Variants in ANK2 observed in about 807,000 individuals in gnomAD.
The protein encoded by ANK2 is ankyrin 2, also known as ankyrin-2.
In ANK2, 83 loss-of-function variants were observed where a neutral mutation model predicts 360.5. The observed-to-expected ratio is 0.23, with a 90% confidence interval of 0.19 to 0.28. The LOEUF (loss-of-function observed/expected upper bound fraction) is 0.28. Among genes scored for constraint, ANK2 ranks in the 10% least tolerant of loss-of-function variants. ANK2 has a pLI of 1.00. For missense variants in ANK2, 4,201 were observed against 4,795.7 expected (o/e 0.88, Z 3.66); for synonymous variants, 1,740 against 1,759.5 (o/e 0.99, Z 0.28).
intron 5 of ANK2, among the ~76,000 whole-genome samples, chr4:113,233,019 C>A (rs956435756): frequency 2.1e-5 from 3 of 145,422 alleles, no homozygotes; most frequent in Non-Finnish European, 3.0e-5. Flanking sequence ...TGGGAGTGGG[C>A]GACATGGAAG....
chr4:113,122,658 A>G (rs1339893021), intron 1 of ANK2, among the ~76,000 whole-genome samples: 2 of 152,070 alleles, frequency 1.3e-5, no homozygotes, highest in East Asian at 3.9e-4. Flanking sequence ...TGAAAATTCA[A>G]AAGTTTTATT....
chr4:112,734,179 T>G, the ANK2 span, among the ~76,000 whole-genome samples: 1 of 152,172 alleles, frequency 6.6e-6, no homozygotes, highest in Non-Finnish European at 1.5e-5. Flanking sequence ...ACAGAAGGAA[T>G]AGTAACATTG....
At chr4:112,761,727 T>A in the ANK2 span, among the ~76,000 whole-genome samples, 4 of 152,178 alleles carry the variant, frequency 2.6e-5, no homozygotes, top group African/African-American at 4.8e-5. Context: ...GCCTACAAAA[T>A]GCTTGTCATC....
intron 2 of ANK2, among the ~76,000 whole-genome samples, chr4:112,915,598 CA>C (rs1561080073): frequency 1.3e-5 from 2 of 151,432 alleles, no homozygotes; most frequent in Non-Finnish European, 1.5e-5. Flanking sequence ...AAAAAATTTA[CA>C]AAAAAATTAA....
At chr4:113,247,254 A>T (rs936633628) in intron 9 of ANK2, among the ~76,000 whole-genome samples, 1 of 152,148 alleles carries the variant, frequency 6.6e-6, no homozygotes, top group Non-Finnish European at 1.5e-5. Flanking sequence ...GAATTTAAGT[A>T]AAAAGATTTT....
chr4:112,715,889 C>CT, the ANK2 span, among the ~76,000 whole-genome samples: 1 of 152,112 alleles, frequency 6.6e-6, no homozygotes, highest in Non-Finnish European at 1.5e-5. Flanking sequence ...CGCCACTGCA[C>CT]TACAGCCTGG....
chr4:112,933,948 T>C (rs1328232589), intron 2 of ANK2, among the ~76,000 whole-genome samples: 2 of 152,004 alleles, frequency 1.3e-5, no homozygotes, highest in Non-Finnish European at 2.9e-5. Context: ...GTGATAGATC[T>C]AAAGGAGATT....
chr4:113,179,716 C>T (rs1211474839), intron 2 of ANK2, among the ~76,000 whole-genome samples: 3 of 152,138 alleles, frequency 2.0e-5, no homozygotes, highest in Non-Finnish European at 2.9e-5. Flanking sequence ...TACCTATTCC[C>T]TATTTAGTAA....
At chr4:113,232,703 C>A (rs1585512495) in intron 5 of ANK2, among the ~76,000 whole-genome samples, 1 of 139,996 alleles carries the variant, frequency 7.1e-6, no homozygotes, top group East Asian at 2.1e-4. Context: ...TAAAAAAAAA[C>A]CCTGTACCTT....
intron 1 of ANK2, among the ~76,000 whole-genome samples, chr4:112,822,756 C>A (rs2057478298): frequency 6.8e-6 from 1 of 146,264 alleles, no homozygotes; most frequent in East Asian, 2.0e-4. Flanking sequence ...AAAAAAAAAA[C>A]CTGAAATAAT....
intron 2 of ANK2, among the ~76,000 whole-genome samples, chr4:112,919,717 A>G (rs541936521): frequency 6.6e-6 from 1 of 152,254 alleles, no homozygotes; most frequent in African/African-American, 2.4e-5. Context: ...TCTTTGCTTT[A>G]ATTTTACTAA....
At chr4:112,855,184 A>G (rs1290268820) in intron 1 of ANK2, among the ~76,000 whole-genome samples, 5 of 152,206 alleles carry the variant, frequency 3.3e-5, no homozygotes, top group Non-Finnish European at 5.9e-5. Context: ...GGCCTTGTGC[A>G]GTTTATGATT....
chr4:113,175,294 G>A (rs1366615925), intron 2 of ANK2, among the ~76,000 whole-genome samples: 1 of 152,052 alleles, frequency 6.6e-6, no homozygotes, highest in Non-Finnish European at 1.5e-5. Context: ...CTATATCCTG[G>A]TATATATTGA....
chr4:113,111,501 A>G (rs2094297116), intron 1 of ANK2, among the ~76,000 whole-genome samples: 2 of 152,166 alleles, frequency 1.3e-5, no homozygotes, highest in African/African-American at 2.4e-5. Context: ...TTTAACCACA[A>G]TTCAGTGCTT....
Position 112,846,892 on chromosome 4 carries a change from G to T in ANK2, c.-40+28628G>T, listed in dbSNP as rs1399968878. On this transcript the variant is annotated intron_variant, in intron 1 of 30. Transcript: ENST00000503271. ...GTGTTATCCTTATCTACAAAATCCG[G>T]AGTAGTTTAGCAGCACCATGTCTGT... Among the ~76,000 whole-genome samples, 77 of 152,090 alleles carry T rather than the reference G, an allele frequency of 5.1e-4. 2 individuals are homozygous for T. The highest frequency in any genetic ancestry group is 5.0e-3 in the Admixed American group (77 of 15,272).
At chr4:113,110,110 T>G (rs1268605960) in intron 1 of ANK2, among the ~76,000 whole-genome samples, 1 of 152,030 alleles carries the variant, frequency 6.6e-6, no homozygotes, top group African/African-American at 2.4e-5. Flanking sequence ...GAAAGGGAGA[T>G]TTAATGGACT....
rs144719173 is a variant in ANK2 at position 113,358,205 on chromosome 4, C to T, written c.9587C>T (p.Ser3196Leu). 21 of 1,613,942 alleles carry T rather than the reference C, an allele frequency of 1.3e-5. No homozygotes were observed. The highest frequency in any genetic ancestry group is 3.3e-5 in the South Asian group (3 of 91,080). Residue 3196 changes from serine (S) to leucine (L), a missense_variant, in exon 38 of 46, where the codon TCG becomes TTG. Ser to Leu is a moderately radical substitution (Grantham distance 145). Around this residue, in one of 4 missense-constraint regions of ANK2, gnomAD observed 2,642 missense variants for 2,714.5 expected, o/e 0.97. Coordinates refer to ENST00000357077, the MANE Select transcript of ANK2 (RefSeq NM_001148.6). ...VSEEVEEIPA[S>L]DAQLNSQMGI... ...GAGGAAGTAGAGGAAATACCTGCTT[C>T]GGATGCTCAACTTAACTCCCAAATG...
Position 113,358,125 on chromosome 4 carries a change from A to G in ANK2, c.9507A>G (p.Ser3169=). 1 of 1,614,102 alleles carries G rather than the reference A, an allele frequency of 6.2e-7. No individual in the cohort carries two copies. Among genetic ancestry groups the G allele is most frequent in the African/African-American group, 1.3e-5 (1 of 75,052 alleles). Residue 3169 remains serine (S), a synonymous_variant, in exon 38 of 46, where the codon TCA becomes TCG. Transcript: ENST00000357077. ...CATCAGCTGAATCACTAGCACTTTCAGAATCAAAAGAAACAGTGGATGATG... is the reference window on the plus strand; with the variant it reads ...CATCAGCTGAATCACTAGCACTTTCGGAATCAAAAGAAACAGTGGATGATG... ...LETSAESLAL[S]ESKETVDDEA... is the part of the protein sequence containing the mutation.
At chr4:112,890,821 C>T (rs1250636668) in intron 1 of ANK2, among the ~76,000 whole-genome samples, 1 of 152,082 alleles carries the variant, frequency 6.6e-6, no homozygotes, top group East Asian at 1.9e-4. Context: ...CCTGCCTCAG[C>T]CTCCCAAAAT....
Sources: gnomAD v4.1 joint callset for allele counts (sites outside exome capture counted in the v4.1 genomes callset) on GRCh38, gnomAD v4.1.1 for gene constraint, gnomAD v4.1.1 regional missense constraint, MANE v1.5 for transcripts, NCBI Gene and HGNC (gene_info 2026-07-23, HGNC 2026-07-21) for gene names.